The following NTAQ1 variants were observed in gnomAD, a reference collection of about 807,000 sequenced individuals.
NTAQ1 encodes protein N-terminal glutamine amidohydrolase.
NTAQ1 carries 21 observed loss-of-function variants against 28.2 expected under a neutral mutation model. That is an observed-to-expected ratio of 0.74 (90% CI 0.53 to 1.07). The LOEUF (loss-of-function observed/expected upper bound fraction) is 1.07. Ranked by LOEUF, NTAQ1 falls within the 50% of genes least tolerant of loss-of-function variation. NTAQ1 has a pLI of 0.00. For missense variants in NTAQ1, 264 were observed against 256.6 expected (o/e 1.03, Z -0.20); for synonymous variants, 105 against 90.0 (o/e 1.17, Z -0.94).
intron 5 of NTAQ1, among the ~76,000 whole-genome samples, chr8:123,439,598 G>A (rs1227416711): frequency 2.6e-5 from 4 of 151,816 alleles, no homozygotes; most frequent in East Asian, 2.0e-4. Flanking sequence ...TGCCCGCCTC[G>A]GCCTCCCAAA....
intron 3 of NTAQ1, among the ~76,000 whole-genome samples, chr8:123,431,337 CA>C (rs35552563): frequency 0.02 from 2,425 of 124,132 alleles, 58 homozygotes; most frequent in African/African-American, 0.069. Context: ...AACTCCATAT[CA>C]AAAAAAAAAA....
intron 6 of NTAQ1, among the ~76,000 whole-genome samples, chr8:123,453,805 C>T (rs994521236): frequency 1.1e-4 from 17 of 152,142 alleles, no homozygotes; most frequent in African/African-American, 4.1e-4. Flanking sequence ...CATTATTCTC[C>T]TCATGTTACA....
chr8:123,420,809 A>G (rs1393179261), intron 1 of NTAQ1, among the ~76,000 whole-genome samples: 1 of 151,754 alleles, frequency 6.6e-6, no homozygotes, highest in Admixed American at 6.6e-5. Flanking sequence ...TTATTTATTT[A>G]AGACGGATTC....
downstream of NTAQ1, among the ~76,000 whole-genome samples, chr8:123,443,881 C>T (rs1372994474): frequency 6.6e-6 from 1 of 152,116 alleles, no homozygotes; most frequent in Non-Finnish European, 1.5e-5. Context: ...CCTGCGGTTC[C>T]TGGTTCTATG....
exon 7 of NTAQ1, among the ~76,000 whole-genome samples, chr8:123,468,857 C>G (rs1318350470): frequency 6.6e-6 from 1 of 152,180 alleles, no homozygotes; most frequent in Admixed American, 6.5e-5. Context: ...TTCTTTATGT[C>G]TTTACCAGCA....
chr8:123,457,098 C>T lies in NTAQ1; in HGVS notation c.373-9981C>T, dbSNP rs547504382. Among the ~76,000 whole-genome samples, 112 of 152,046 alleles carry T rather than the reference C, an allele frequency of 7.4e-4. No homozygotes were observed. In the Middle Eastern group the frequency reaches 0.014, roughly 18 times the overall value. On this transcript the variant is annotated intron_variant, in intron 6 of 6. Transcript: ENST00000650311. ...ATATATATTTTTGAGACAGAGTCTCCCTCTGTCACCTAGGCTGGAGTACAG... is the reference window on the plus strand; with the variant it reads ...ATATATATTTTTGAGACAGAGTCTCTCTCTGTCACCTAGGCTGGAGTACAG...
At chr8:123,449,478 G>A (rs1815404839), downstream of NTAQ1, among the ~76,000 whole-genome samples, 1 of 152,132 alleles carries the variant, frequency 6.6e-6, no homozygotes, top group African/African-American at 2.4e-5. Flanking sequence ...CACTTTGGGA[G>A]GCTGAAGTGG....
At position 123,430,615 on chromosome 8, in the gene NTAQ1, T is replaced by TA. The variant is rs1038368261; in HGVS notation, c.234+590dup. Among the ~76,000 whole-genome samples, 6 of 152,018 alleles carry TA rather than the reference T, an allele frequency of 3.9e-5. No homozygotes were observed. In the South Asian group the frequency reaches 8.3e-4, roughly 21 times the overall value. ...CAACATGGCAAAACTCCGTCTCTAC[T>TA]AAAAAAAATACAAAGATTAACTGAG... On this transcript the variant is annotated intron_variant, in intron 3 of 5. Transcript: ENST00000287387.
intron 3 of NTAQ1, 111 bp from the exon 4 acceptor site, chr8:123,436,342 A>C (rs1315817982): frequency 1.0e-5 from 10 of 961,574 alleles, no homozygotes; most frequent in Non-Finnish European, 1.4e-5. Flanking sequence ...TGCTATTATA[A>C]GGAGGGCTGT....
In NTAQ1 at chr8:123,428,822, G is replaced by A. The variant is rs188625326; in HGVS notation, c.183+799G>A. On this transcript the variant is annotated intron_variant, in intron 2 of 5. Transcript: ENST00000287387. Reference sequence around the variant, plus strand: ...TCTCCATGTTGGCCAGTCTGGTCTCGAACTCCTAACCTCAGGTGACCTGTC... The same window carrying A: ...TCTCCATGTTGGCCAGTCTGGTCTCAAACTCCTAACCTCAGGTGACCTGTC... Among the ~76,000 whole-genome samples the A allele has an allele frequency of 6.8e-4, 104 of 152,168 alleles. 1 individual carries two copies. The highest frequency in any genetic ancestry group is 5.2e-3 in the Admixed American group (79 of 15,258).
At chr8:123,419,773 T>TCCCCTCCC (rs1554650365) in intron 1 of NTAQ1, among the ~76,000 whole-genome samples, 1 of 94,114 alleles carries the variant, frequency 1.1e-5, no homozygotes. Flanking sequence ...CCTTCCTTTC[T>TCCCCTCCC]TCCCTCCCTC....
In NTAQ1 at chr8:123,462,577, C is replaced by G. The variant is rs917666039; in HGVS notation, c.373-4502C>G. Reference sequence around the variant, plus strand: ...AATTCTAATTAGACCATGTGCCAAGCCCCATGCTAAGTCTTGGTCTGTGTT... The same window carrying G: ...AATTCTAATTAGACCATGTGCCAAGGCCCATGCTAAGTCTTGGTCTGTGTT... On this transcript the variant is annotated intron_variant, in intron 6 of 6. Coordinates refer to the NTAQ1 transcript ENST00000650311. 2.6e-5 allele frequency among the ~76,000 whole-genome samples: 4 copies of G among 152,286 alleles called. No individual in the cohort carries two copies. In the South Asian group the frequency reaches 8.3e-4, roughly 32 times the overall value.
chr8:123,436,933 G>A (rs1425325323), intron 4 of NTAQ1, among the ~76,000 whole-genome samples: 2 of 151,982 alleles, frequency 1.3e-5, no homozygotes, highest in African/African-American at 2.4e-5. Flanking sequence ...GGGCTGTGAG[G>A]GCAGCATCAG....
At chr8:123,418,410 C>T (rs1262580227) in intron 1 of NTAQ1, among the ~76,000 whole-genome samples, 1 of 151,078 alleles carries the variant, frequency 6.6e-6, no homozygotes, top group Non-Finnish European at 1.5e-5. Flanking sequence ...GATGCCACTG[C>T]CCCTTCCTGC....
intron 6 of NTAQ1, among the ~76,000 whole-genome samples, chr8:123,447,501 G>A (rs1815334618): frequency 6.6e-6 from 1 of 152,084 alleles, no homozygotes; most frequent in African/African-American, 2.4e-5. Flanking sequence ...CTGACAATCT[G>A]ATGGGGTTGG....
intron 6 of NTAQ1, among the ~76,000 whole-genome samples, chr8:123,453,216 T>C (rs1056252957): frequency 1.3e-5 from 2 of 152,170 alleles, no homozygotes; most frequent in African/African-American, 4.8e-5. Context: ...TCCCTGCCCC[T>C]GGAATACAGG....
intron 3 of NTAQ1, among the ~76,000 whole-genome samples, chr8:123,431,337 C>CAAAAAA (rs35552563): frequency 8.0e-6 from 1 of 124,234 alleles, no homozygotes; most frequent in Non-Finnish European, 1.7e-5. Context: ...AACTCCATAT[C>CAAAAAA]AAAAAAAAAA....
downstream of NTAQ1, among the ~76,000 whole-genome samples, chr8:123,447,156 G>C (rs1180527001): frequency 6.6e-6 from 1 of 151,754 alleles, no homozygotes; most frequent in Non-Finnish European, 1.5e-5. Flanking sequence ...TTTTCACTGA[G>C]TAGCAATAGA....
At chr8:123,425,414 C>T (rs1205360845) in intron 1 of NTAQ1, among the ~76,000 whole-genome samples, 1 of 151,648 alleles carries the variant, frequency 6.6e-6, no homozygotes, top group African/African-American at 2.4e-5. Context: ...TTTTATTACT[C>T]TATAGTACAT....
Sources: gnomAD v4.1 joint callset for allele counts (sites outside exome capture counted in the v4.1 genomes callset) on GRCh38, gnomAD v4.1.1 for gene constraint, MANE v1.5 for transcripts, NCBI Gene and HGNC (gene_info 2026-07-23, HGNC 2026-07-21) for gene names.